Variants in ITM2C observed in about 807,000 individuals in gnomAD.
The protein encoded by ITM2C is integral membrane protein 2C.
ITM2C carries 20 observed loss-of-function variants against 30.0 expected under a neutral mutation model. The ratio of observed to expected loss-of-function variants is 0.67; its 90% CI spans 0.47 to 0.97. The LOEUF (loss-of-function observed/expected upper bound fraction) is 0.97. ITM2C is among the 50% of genes least tolerant of loss of function. ITM2C has a pLI of 0.00. For synonymous variants in ITM2C, 167 were observed against 156.4 expected, an observed-to-expected ratio of 1.07 and a Z score of -0.51; for missense variants, 366 against 371.9, an observed-to-expected ratio of 0.98 and a Z score of 0.13.
At position 230,873,410 on chromosome 2, in the gene ITM2C, T is replaced by C. The variant is rs1050017039; in HGVS notation, c.121-7T>C. 2 of 1,560,470 alleles carry C rather than the reference T, an allele frequency of 1.3e-6. No homozygotes were observed. Among genetic ancestry groups the C allele is most frequent in the Non-Finnish European group, 8.7e-7 (1 of 1,153,756 alleles). On this transcript the variant is annotated splice_polypyrimidine_tract_variant and splice_region_variant and intron_variant, in intron 1 of 5. Coordinates refer to ENST00000326427, the MANE Select transcript of ITM2C (RefSeq NM_030926.6). ...GGCCCCCACTGACCCAGCATTGCTA[T>C]CCACAGGAGGAGCAGCCCCCACAAC...
chr2:230,871,390 A>C (rs764288194), intron 1 of ITM2C, among the ~76,000 whole-genome samples: 21 of 152,246 alleles, frequency 1.4e-4, no homozygotes, highest in Non-Finnish European at 2.9e-4. Context: ...GGAGATGCCA[A>C]CGGAAGGTGT....
intron 1 of ITM2C, 89 bp from the exon 2 acceptor site, chr2:230,873,328 C>G: frequency 7.5e-7 from 1 of 1,335,638 alleles, no homozygotes; most frequent in African/African-American, 1.5e-5. Flanking sequence ...CCCTCCGGGC[C>G]CAGCCAGCAG....
intron 1 of ITM2C, among the ~76,000 whole-genome samples, chr2:230,871,319 AG>A (rs1439643005): frequency 6.6e-6 from 1 of 152,226 alleles, no homozygotes; most frequent in Non-Finnish European, 1.5e-5. Flanking sequence ...GGAGCGCCAG[AG>A]GGGCAGGAGG....
chr2:230,869,390 A>G (rs913567673), intron 1 of ITM2C, among the ~76,000 whole-genome samples: 9 of 152,144 alleles, frequency 5.9e-5, no homozygotes, highest in Non-Finnish European at 1.0e-4. Context: ...TCAGGTGGAC[A>G]GTGTTTGCCC....
chr2:230,873,659 A>T lies in ITM2C; in HGVS notation c.261+102A>T, dbSNP rs891974172. On this transcript the variant is annotated intron_variant, in intron 2 of 5. Transcript: ENST00000326427. ...AAGGGGGCAGCAGGAAGCCCCAGAC[A>T]TGCCCTCAGGTGGGAGCGAGTGCCC... The T allele has an allele frequency of 1.7e-5, 21 of 1,226,578 alleles. No individual in the cohort carries two copies. In the East Asian group the frequency reaches 5.2e-4, roughly 30 times the overall value. 76.0% of individuals were successfully genotyped at this position (1,226,578 alleles called of 1,614,324 possible). A position where few individuals can be genotyped will look rare whatever the true frequency, so the allele number is the denominator to read the frequency against.
chr2:230,875,796 TG>T lies in ITM2C; in HGVS notation c.439del (p.Asp147ThrfsTer6). Reference protein sequence around the residue: ...GGGDPADIIHDFQRGLTAYHD... With the variant: ...GGGDPADIIHXFQRGLTAYHD... The stretch of plus-strand genomic sequence containing the variant: ...GCGGTGACCCTGCAGACATCATCCA[TG>T]ACTTCCAGCGGGTGAGGCTGGCCAG... On this transcript the variant is annotated frameshift_variant, in exon 3 of 6. Coordinates refer to ENST00000326427, the MANE Select transcript of ITM2C (RefSeq NM_030926.6). LOFTEE classifies it high-confidence loss of function. The T allele has an allele frequency of 7.8e-7, 1 of 1,274,376 alleles. No individual in the cohort carries two copies. The highest frequency in any genetic ancestry group is 1.7e-5 in the African/African-American group (1 of 57,170). The allele number at this position is 1,274,376 out of a possible 1,614,324, so 78.9% of individuals were successfully genotyped here.
chr2:230,877,377 G>A lies in ITM2C; in HGVS notation c.562-23G>A. 6.2e-7 allele frequency: 1 copy of A among 1,611,564 alleles called. No homozygotes were observed. Among genetic ancestry groups the A allele is most frequent in the Non-Finnish European group, 8.5e-7 (1 of 1,178,454 alleles). On this transcript the variant is annotated intron_variant, in intron 4 of 5. Transcript: ENST00000326427. This position sits in a 1 kb window ranked among gnomAD's most constrained non-coding sequence, Gnocchi z 4.8. ...CGAAAGCCTGAGGGGCCGACTCACT[G>A]TGGCGGCCACCTTGTTTTGCAGAGG...
At chr2:230,868,878 C>T (rs1697096402) in intron 1 of ITM2C, among the ~76,000 whole-genome samples, 1 of 152,238 alleles carries the variant, frequency 6.6e-6, no homozygotes, top group Non-Finnish European at 1.5e-5. Context: ...TTCCCTGTGG[C>T]AGCGTGGGGA....
intron 1 of ITM2C, among the ~76,000 whole-genome samples, chr2:230,867,517 G>T (rs920981984): frequency 6.6e-6 from 1 of 152,212 alleles, no homozygotes; most frequent in Non-Finnish European, 1.5e-5. Flanking sequence ...TCAGGGCAGG[G>T]CGTGTAGATT....
Position 230,867,592 on chromosome 2 carries a change from C to T in ITM2C, c.120+2447C>T, listed in dbSNP as rs78227665. ...AAACGTTTCTTCTGGCTGGCAGTGA[C>T]CCCAGAACCCTCCTTGGTGTCTGAA... On this transcript the variant is annotated intron_variant, in intron 1 of 5. Coordinates refer to ENST00000326427, the MANE Select transcript of ITM2C (RefSeq NM_030926.6). Among the ~76,000 whole-genome samples the T allele has an allele frequency of 6.4e-3, 972 of 152,258 alleles. 5 individuals carry two copies. Among genetic ancestry groups the T allele is most frequent in the African/African-American group, 0.021 (870 of 41,540 alleles).
chr2:230,869,212 G>T (rs573393278), intron 1 of ITM2C, among the ~76,000 whole-genome samples: 1 of 152,326 alleles, frequency 6.6e-6, no homozygotes, highest in African/African-American at 2.4e-5. Flanking sequence ...GACTATCAGG[G>T]ATGGAAGAGA....
rs1001233646 is a variant in ITM2C, at chr2:230,865,482, T to TG, written c.120+344dup. ...TCCGAAGAAGTTCGAGGAATGTTGG[T>TG]GGGGGGGTACGCGTCTGGTTCCAAT... On this transcript the variant is annotated intron_variant, in intron 1 of 5. Coordinates refer to ENST00000326427, the MANE Select transcript of ITM2C (RefSeq NM_030926.6). The surrounding 1 kb of genome is among the most constrained non-coding windows in gnomAD (Gnocchi z 6.8). 1.4e-4 allele frequency: 29 copies of TG among 203,116 alleles called. No individual in the cohort carries two copies. The highest frequency in any genetic ancestry group is 2.4e-4 in the Non-Finnish European group (25 of 102,790). The allele number at this position is 203,116 out of a possible 1,614,324, so 12.6% of individuals were successfully genotyped here. A position where few individuals can be genotyped will look rare whatever the true frequency, so the allele number is the denominator to read the frequency against.
At chr2:230,871,933 A>G (rs762977567) in intron 1 of ITM2C, among the ~76,000 whole-genome samples, 2 of 152,210 alleles carry the variant, frequency 1.3e-5, no homozygotes, top group African/African-American at 2.4e-5. Context: ...AGGCGCCCCC[A>G]GGGCAGGACC....
intron 1 of ITM2C, among the ~76,000 whole-genome samples, chr2:230,871,085 C>T (rs1197393224): frequency 1.3e-5 from 2 of 152,242 alleles, no homozygotes; most frequent in Admixed American, 6.5e-5. Flanking sequence ...TTCTTTGTCT[C>T]GTTTAATCCC....
At chr2:230,876,413 GGA>G (rs1211689115) in intron 3 of ITM2C, among the ~76,000 whole-genome samples, 1 of 152,174 alleles carries the variant, frequency 6.6e-6, no homozygotes, top group Non-Finnish European at 1.5e-5. Context: ...TGAGGAGTCT[GGA>G]GAGGACTCTG....
At chr2:230,876,568 G>A (rs978363160) in intron 3 of ITM2C, among the ~76,000 whole-genome samples, 4 of 152,132 alleles carry the variant, frequency 2.6e-5, no homozygotes, top group East Asian at 1.9e-4. Flanking sequence ...TGCAAGCTCC[G>A]CCTCCTGGGT....
chr2:230,875,416 T>C (rs1483372716), intron 2 of ITM2C, among the ~76,000 whole-genome samples: 1 of 152,116 alleles, frequency 6.6e-6, no homozygotes, highest in East Asian at 1.9e-4. Context: ...AATCAGCTCA[T>C]CTCCTCACTG....
Position 230,875,701 on chromosome 2 carries a change from GA to G in ITM2C, c.345del (p.Glu116ArgfsTer3). The G allele has an allele frequency of 1.2e-6, 2 of 1,614,052 alleles. No homozygotes were observed. Among genetic ancestry groups the G allele is most frequent in the Non-Finnish European group, 1.7e-6 (2 of 1,179,978 alleles). ...CCAGGTCCGGACTCAGATGGAGCTG[GA>G]AGAGGATGTGAAAATCTACCTCGAC... ...SSQVRTQMEL[E>X]EDVKIYLDEN... is the part of the protein sequence containing the mutation. On this transcript the variant is annotated frameshift_variant, in exon 3 of 6. Transcript: ENST00000326427. LOFTEE classifies it high-confidence loss of function.
chr2:230,864,484 G>A (rs1266710671), upstream of ITM2C, among the ~76,000 whole-genome samples: 1 of 152,188 alleles, frequency 6.6e-6, no homozygotes, highest in Non-Finnish European at 1.5e-5. The surrounding 1 kb of genome is among the most constrained non-coding windows in gnomAD (Gnocchi z 4.3). Flanking sequence ...TCGGAGGAGG[G>A]GGGCGTGGGG....
Sources: gnomAD v4.1 joint callset for allele counts (sites outside exome capture counted in the v4.1 genomes callset) on GRCh38, gnomAD v4.1.1 for gene constraint, Gnocchi (gnomAD v3.1) non-coding constraint, MANE v1.5 for transcripts, NCBI Gene and HGNC (gene_info 2026-07-23, HGNC 2026-07-21) for gene names.